The following SEC22A variants were observed in gnomAD, a reference collection of about 807,000 sequenced individuals.
The protein encoded by SEC22A is vesicle-trafficking protein SEC22a.
Under a neutral mutation model 35.3 loss-of-function variants are expected in SEC22A, and 22 were observed. The observed-to-expected ratio is 0.62, with a 90% confidence interval of 0.45 to 0.89. SEC22A has a LOEUF of 0.89. Among genes scored for constraint, SEC22A ranks in the 40% least tolerant of loss-of-function variants. SEC22A has a pLI of 0.00. For synonymous variants in SEC22A, 119 were observed against 129.5 expected (o/e 0.92, Z 0.55); for missense variants, 354 against 362.5 (o/e 0.98, Z 0.19).
chr3:123,262,505 G>GT (rs1937915342), intron 6 of SEC22A, among the ~76,000 whole-genome samples: 1 of 152,180 alleles, frequency 6.6e-6, no homozygotes, highest in Admixed American at 6.5e-5. Flanking sequence ...TGATGCAAAA[G>GT]TGATATGCAC....
intron 2 of SEC22A, among the ~76,000 whole-genome samples, chr3:123,222,588 A>G (rs1200583334): frequency 6.6e-6 from 1 of 152,146 alleles, no homozygotes. Flanking sequence ...TTCCTTTTCA[A>G]AAATAGAATG....
At chr3:123,262,639 C>T (rs567274156) in intron 6 of SEC22A, among the ~76,000 whole-genome samples, 1 of 152,222 alleles carries the variant, frequency 6.6e-6, no homozygotes, top group East Asian at 1.9e-4. Flanking sequence ...TGATTTTGCC[C>T]AGCTGTAGGC....
chr3:123,223,775 C>T, intron 3 of SEC22A, 53 bp downstream of exon 3: 1 of 1,366,338 alleles, frequency 7.3e-7, no homozygotes, highest in Non-Finnish European at 1.0e-6. Flanking sequence ...CAATCATAAG[C>T]AATTTTAAAT....
chr3:123,243,695 A>G (rs910194150), intron 4 of SEC22A: 4 of 152,354 alleles, frequency 2.6e-5, no homozygotes, highest in Middle Eastern at 3.4e-3. Context: ...CTTCGAAAGC[A>G]TAGCATCTTA....
chr3:123,240,044 G>C (rs1477029147), intron 4 of SEC22A, among the ~76,000 whole-genome samples: 2 of 152,104 alleles, frequency 1.3e-5, no homozygotes, highest in Non-Finnish European at 2.9e-5. Flanking sequence ...AATGGCCCTG[G>C]CTGTGAGAGC....
intron 1 of SEC22A, chr3:123,208,728 AAAC>A (rs1373729242): frequency 6.5e-6 from 1 of 154,070 alleles, no homozygotes; most frequent in Non-Finnish European, 1.4e-5. Context: ...TCAAAAAAAA[AAAC>A]AAAAAACAAA....
chr3:123,264,259 A>G (rs552921667), intron 6 of SEC22A, among the ~76,000 whole-genome samples: 1 of 152,374 alleles, frequency 6.6e-6, no homozygotes, highest in South Asian at 2.1e-4. Context: ...GTTGGCTGTT[A>G]TAAAGCTGCT....
chr3:123,231,776 G>A (rs1576492200), intron 4 of SEC22A, among the ~76,000 whole-genome samples: 3 of 151,822 alleles, frequency 2.0e-5, no homozygotes, highest in Admixed American at 1.3e-4. Flanking sequence ...AAAAAGAAAA[G>A]CAAATTAAAC....
At chr3:123,229,297 A>G (rs1424327205) in intron 4 of SEC22A, among the ~76,000 whole-genome samples, 2 of 152,208 alleles carry the variant, frequency 1.3e-5, no homozygotes, top group African/African-American at 4.8e-5. Flanking sequence ...CCCTGAACCT[A>G]AAATAAAAGT....
At chr3:123,221,684 T>C (rs986082921) in intron 2 of SEC22A, among the ~76,000 whole-genome samples, 13 of 152,094 alleles carry the variant, frequency 8.5e-5, no homozygotes, top group Non-Finnish European at 1.8e-4. Flanking sequence ...TACTAGATTC[T>C]AGAAAGCTTT....
intron 6 of SEC22A, among the ~76,000 whole-genome samples, chr3:123,265,916 C>T (rs1480260869): frequency 6.6e-6 from 1 of 152,116 alleles, no homozygotes; most frequent in Non-Finnish European, 1.5e-5. Flanking sequence ...TCTATCCTTC[C>T]ACCACTACCA....
intron 4 of SEC22A, among the ~76,000 whole-genome samples, chr3:123,241,478 A>C (rs926169760): frequency 6.6e-6 from 1 of 152,230 alleles, no homozygotes; most frequent in Middle Eastern, 3.4e-3. Flanking sequence ...CATCTCTTTG[A>C]ATCGTCATAA....
At chr3:123,207,643 A>G (rs1488705692) in intron 1 of SEC22A, among the ~76,000 whole-genome samples, 2 of 152,228 alleles carry the variant, frequency 1.3e-5, no homozygotes, top group African/African-American at 4.8e-5. Flanking sequence ...TCCCACAGTC[A>G]GTGGTTCAGA....
chr3:123,253,835 A>C (rs138822550), intron 5 of SEC22A, among the ~76,000 whole-genome samples: 1,905 of 152,136 alleles, frequency 0.013, 39 homozygotes, highest in African/African-American at 0.044. Context: ...AAAAGAAATA[A>C]AAGCATTTTT....
In SEC22A at chr3:123,209,249, G is replaced by T. The variant is rs773567242; in HGVS notation, c.32G>T (p.Arg11Leu). 7.4e-6 allele frequency: 12 copies of T among 1,613,856 alleles called. No homozygotes were observed. The highest frequency in any genetic ancestry group is 1.6e-4 in the Middle Eastern group (1 of 6,084). Residue 11 changes from arginine (R) to leucine (L), a missense_variant, in exon 2 of 7, where the codon CGT becomes CTT. Transcript: ENST00000492595. MSMILSASVI[R>L]VRDGLPLSAS... ...ATGATTTTATCTGCCTCAGTCATTCGTGTCAGAGATGGACTGCCACTTTCT... is the reference window on the plus strand; with the variant it reads ...ATGATTTTATCTGCCTCAGTCATTCTTGTCAGAGATGGACTGCCACTTTCT...
intron 5 of SEC22A, among the ~76,000 whole-genome samples, chr3:123,252,276 C>T (rs1021636996): frequency 1.3e-5 from 2 of 152,098 alleles, no homozygotes; most frequent in South Asian, 2.1e-4. Context: ...TAATCTCAAA[C>T]GTCACTCTGG....
At chr3:123,220,880 A>ATATATAT (rs1491297154) in intron 2 of SEC22A, among the ~76,000 whole-genome samples, 1 of 94,366 alleles carries the variant, frequency 1.1e-5, no homozygotes, top group Non-Finnish European at 2.2e-5. Flanking sequence ...ATATATATAT[A>ATATATAT]CATATATATA....
intron 6 of SEC22A, among the ~76,000 whole-genome samples, chr3:123,260,610 T>A (rs182509250): frequency 6.6e-6 from 1 of 152,174 alleles, no homozygotes; most frequent in Non-Finnish European, 1.5e-5. Context: ...TGTTAAAACG[T>A]GTTACAGCAA....
At position 123,272,490 on chromosome 3, in the gene SEC22A, A is replaced by G. The variant is rs570770220; in HGVS notation, c.*768A>G. On this transcript the variant is annotated 3_prime_UTR_variant, in exon 7 of 7. Transcript: ENST00000492595. ...TTATTTTCTTAATATTTATCTTTTA[A>G]ATTTTAAAGTTTTTTTAAAAAAATG... 1.4e-4 allele frequency: 22 copies of G among 152,298 alleles called. No homozygotes were observed. The East Asian group carries it at 4.0e-3, about 28-fold the overall frequency. The allele number at this position is 152,298 out of a possible 1,614,324, so 9.4% of individuals were successfully genotyped here. A position where few individuals can be genotyped will look rare whatever the true frequency, so the allele number is the denominator to read the frequency against.
Sources: allele counts gnomAD v4.1 joint callset (sites outside exome capture counted in the v4.1 genomes callset), GRCh38; gene constraint gnomAD v4.1.1; transcripts MANE v1.5; gene names NCBI Gene and HGNC (gene_info 2026-07-23, HGNC 2026-07-21).